Variants in PARD3B observed in about 807,000 individuals in gnomAD.
PARD3B encodes par-3 family cell polarity regulator beta.
PARD3B carries 103 observed loss-of-function variants against 130.2 expected under a neutral mutation model. The ratio of observed to expected loss-of-function variants is 0.79; its 90% CI spans 0.67 to 0.93. PARD3B has a LOEUF of 0.93. Ranked by LOEUF, PARD3B falls within the 40% of genes least tolerant of loss-of-function variation. PARD3B has a pLI of 0.00. For synonymous variants in PARD3B, 583 were observed against 553.2 expected, an observed-to-expected ratio of 1.05 and a Z score of -0.76; for missense variants, 1,609 against 1,499.2, an observed-to-expected ratio of 1.07 and a Z score of -1.21.
At chr2:205,018,443 C>T (rs934277367) in intron 3 of PARD3B, among the ~76,000 whole-genome samples, 1 of 152,042 alleles carries the variant, frequency 6.6e-6, no homozygotes, top group Non-Finnish European at 1.5e-5. Flanking sequence ...ACTATAGCAA[C>T]CCTTCTGAAC....
chr2:204,778,695 T>C (rs2041727211), intron 2 of PARD3B, among the ~76,000 whole-genome samples: 1 of 152,110 alleles, frequency 6.6e-6, no homozygotes, highest in Non-Finnish European at 1.5e-5. Flanking sequence ...CGTTATAAAA[T>C]ATATAGTGAA....
At chr2:205,050,062 A>G (rs532429516) in intron 4 of PARD3B, among the ~76,000 whole-genome samples, 1 of 152,158 alleles carries the variant, frequency 6.6e-6, no homozygotes, top group African/African-American at 2.4e-5. Flanking sequence ...TCTAGGGCCA[A>G]GTACATGGAA....
intron 4 of PARD3B, among the ~76,000 whole-genome samples, chr2:205,070,554 G>A (rs529719150): frequency 4.6e-5 from 7 of 152,054 alleles, no homozygotes; most frequent in South Asian, 2.1e-4. Flanking sequence ...GCTGAAAGTC[G>A]TACTAAAGCC....
At chr2:204,648,626 T>A (rs1306747202) in intron 1 of PARD3B, among the ~76,000 whole-genome samples, 5 of 120,014 alleles carry the variant, frequency 4.2e-5, no homozygotes, top group South Asian at 2.3e-4. Flanking sequence ...ATACTATAAT[T>A]TATATATAAT....
intron 1 of PARD3B, among the ~76,000 whole-genome samples, chr2:204,618,581 A>G (rs1019553598): frequency 2.0e-5 from 3 of 152,180 alleles, no homozygotes; most frequent in Admixed American, 6.6e-5. Context: ...ATTTCTTTGC[A>G]TTATGAAGTC....
At chr2:205,044,566 G>A (rs1698632466) in intron 3 of PARD3B, among the ~76,000 whole-genome samples, 1 of 151,648 alleles carries the variant, frequency 6.6e-6, no homozygotes, top group Admixed American at 6.6e-5. Context: ...GTGATGGTGA[G>A]CATTTCTTCA....
At chr2:205,117,285 T>A (rs2029925616) in intron 6 of PARD3B, among the ~76,000 whole-genome samples, 1 of 152,198 alleles carries the variant, frequency 6.6e-6, no homozygotes, top group Non-Finnish European at 1.5e-5. Flanking sequence ...GCTAACCTAC[T>A]GGAACTAGGA....
intron 15 of PARD3B, among the ~76,000 whole-genome samples, chr2:205,233,061 A>C (rs2038916296): frequency 6.6e-6 from 1 of 152,190 alleles, no homozygotes; most frequent in Non-Finnish European, 1.5e-5. Context: ...GACACAAAAA[A>C]TGAGGAAACC....
At chr2:204,774,044 G>A (rs879183787) in intron 2 of PARD3B, among the ~76,000 whole-genome samples, 1 of 151,862 alleles carries the variant, frequency 6.6e-6, no homozygotes, top group Admixed American at 6.6e-5. Context: ...TTCCCTAATA[G>A]GAGTTTTTGT....
chr2:204,779,905 C>A (rs2041776385), intron 2 of PARD3B, among the ~76,000 whole-genome samples: 1 of 152,162 alleles, frequency 6.6e-6, no homozygotes, highest in African/African-American at 2.4e-5. Context: ...ACACTCTAAA[C>A]TCTATTTCAT....
chr2:205,327,344 T>C (rs1211251000), intron 18 of PARD3B, among the ~76,000 whole-genome samples: 1 of 152,232 alleles, frequency 6.6e-6, no homozygotes, highest in Non-Finnish European at 1.5e-5. Context: ...CTACCTAAGA[T>C]TGTGCTGGTC....
chr2:204,591,738 C>T (rs927302659), intron 1 of PARD3B, among the ~76,000 whole-genome samples: 2 of 152,090 alleles, frequency 1.3e-5, no homozygotes, highest in African/African-American at 2.4e-5. Flanking sequence ...TTTATAACTG[C>T]GTTGGAGTAG....
chr2:205,235,872 T>G (rs1403595662), intron 15 of PARD3B, among the ~76,000 whole-genome samples: 1 of 152,122 alleles, frequency 6.6e-6, no homozygotes, highest in African/African-American at 2.4e-5. Flanking sequence ...GAAATAAAAA[T>G]TAGAGCAGAA....
At chr2:205,130,015 G>C (rs1039118717) in intron 10 of PARD3B, among the ~76,000 whole-genome samples, 3 of 152,230 alleles carry the variant, frequency 2.0e-5, no homozygotes, top group African/African-American at 4.8e-5. Flanking sequence ...GGGCAGACCG[G>C]GTTGAAAATC....
intron 22 of PARD3B, among the ~76,000 whole-genome samples, chr2:205,570,056 G>A (rs2053505792): frequency 6.6e-6 from 1 of 152,148 alleles, no homozygotes; most frequent in South Asian, 2.1e-4. Flanking sequence ...ATAAAAAGAT[G>A]CAGTTTTGCT....
chr2:204,585,695 G>C (rs2032787081), intron 1 of PARD3B, among the ~76,000 whole-genome samples: 1 of 151,816 alleles, frequency 6.6e-6, no homozygotes, highest in Non-Finnish European at 1.5e-5. Flanking sequence ...TGATTGATAG[G>C]CTTCTAGGTT....
At chr2:205,068,101 T>C (rs1700499940) in intron 4 of PARD3B, among the ~76,000 whole-genome samples, 1 of 152,008 alleles carries the variant, frequency 6.6e-6, no homozygotes, top group South Asian at 2.1e-4. Flanking sequence ...GTGTTTAGCA[T>C]TGGAATTATA....
chr2:204,952,937 C>G (rs939904381), intron 2 of PARD3B, among the ~76,000 whole-genome samples: 2 of 148,328 alleles, frequency 1.3e-5, no homozygotes, highest in African/African-American at 5.0e-5. Flanking sequence ...GTGGAGCTTG[C>G]AGTGAGCTGA....
In PARD3B at chr2:204,673,634, C is replaced by G. The variant is rs1203374542; in HGVS notation, c.121-12547C>G. 4.6e-5 allele frequency among the ~76,000 whole-genome samples: 7 copies of G among 152,212 alleles called. No individual in the cohort carries two copies. The highest frequency in any genetic ancestry group is 1.7e-4 in the African/African-American group (7 of 41,464). ...GCCTCAAGTCTGTGCTCAAATGCCA[C>G]TTTTTCATGGAGGCCGGGCCTGACC... On this transcript the variant is annotated intron_variant, in intron 1 of 22. Coordinates refer to ENST00000406610, the MANE Select transcript of PARD3B (RefSeq NM_001302769.2). This position sits in a 1 kb window ranked among gnomAD's most constrained non-coding sequence, Gnocchi z 4.7.
Sources: gnomAD v4.1 joint callset for allele counts (sites outside exome capture counted in the v4.1 genomes callset) on GRCh38, gnomAD v4.1.1 for gene constraint, Gnocchi (gnomAD v3.1) non-coding constraint, MANE v1.5 for transcripts, NCBI Gene and HGNC (gene_info 2026-07-23, HGNC 2026-07-21) for gene names.